The following QSOX1 variants were observed in gnomAD, a reference collection of about 807,000 sequenced individuals.
QSOX1 encodes the protein sulfhydryl oxidase 1.
Under a neutral mutation model 76.1 loss-of-function variants are expected in QSOX1, and 40 were observed. The ratio of observed to expected loss-of-function variants is 0.53; its 90% CI spans 0.41 to 0.68. QSOX1 has a LOEUF of 0.68. Among genes scored for constraint, QSOX1 ranks in the 30% least tolerant of loss-of-function variants. QSOX1 has a pLI of 0.00. For missense variants in QSOX1, 931 were observed against 974.3 expected, an observed-to-expected ratio of 0.96 and a Z score of 0.59; for synonymous variants, 392 against 413.1, an observed-to-expected ratio of 0.95 and a Z score of 0.62.
intron 1 of QSOX1, among the ~76,000 whole-genome samples, chr1:180,162,221 T>C (rs961696749): frequency 6.6e-6 from 1 of 152,220 alleles, no homozygotes; most frequent in African/African-American, 2.4e-5. Flanking sequence ...CATCAATAAA[T>C]ATAACTCAAA....
intron 9 of QSOX1, 27 bp from the exon 10 acceptor site, chr1:180,190,406 G>A (rs1484197043): frequency 4.4e-6 from 7 of 1,602,974 alleles, no homozygotes; most frequent in Non-Finnish European, 6.0e-6. Flanking sequence ...TTCTCCATAT[G>A]TGCACTCACA....
At chr1:180,167,238 C>T (rs1422236289) in intron 2 of QSOX1, among the ~76,000 whole-genome samples, 1 of 152,246 alleles carries the variant, frequency 6.6e-6, no homozygotes, top group African/African-American at 2.4e-5. Context: ...TGAGGGCCCT[C>T]CCCTGGGCTC....
chr1:180,197,581 C>T lies in QSOX1; in HGVS notation c.*544C>T. The T allele has an allele frequency of 1.7e-6, 1 of 585,816 alleles. No individual in the cohort carries two copies. Among genetic ancestry groups the T allele is most frequent in the Non-Finnish European group, 3.0e-6 (1 of 335,802 alleles). 36.3% of individuals were successfully genotyped at this position (585,816 alleles called of 1,614,324 possible). On this transcript the variant is annotated 3_prime_UTR_variant, in exon 12 of 12. Transcript: ENST00000367602. ...GCCAGCCTCCAGCTCCTCAGACCTC[C>T]TGGGTGGGGTTTGGCTTCAGGGTGG... is the stretch of plus-strand genomic sequence containing the variant.
chr1:180,182,570 C>T (rs1663068588), intron 6 of QSOX1, among the ~76,000 whole-genome samples: 1 of 152,140 alleles, frequency 6.6e-6, no homozygotes, highest in South Asian at 2.1e-4. Flanking sequence ...GTGTCGCCTG[C>T]ACCCTCATTA....
At chr1:180,188,788 T>G in intron 8 of QSOX1, among the ~76,000 whole-genome samples, 1 of 152,356 alleles carries the variant, frequency 6.6e-6, no homozygotes, top group East Asian at 1.9e-4. Flanking sequence ...TCGGCCAGCC[T>G]CTTTGTGGTT....
chr1:180,155,281 C>T (rs1662350036), intron 1 of QSOX1, 109 bp downstream of exon 1: 1 of 1,033,484 alleles, frequency 9.7e-7, no homozygotes, highest in Admixed American at 3.8e-5. Context: ...CAGTCACCTC[C>T]GCCCACCTCT....
At chr1:180,187,517 T>C (rs550211236) in intron 8 of QSOX1, among the ~76,000 whole-genome samples, 1 of 152,234 alleles carries the variant, frequency 6.6e-6, no homozygotes, top group African/African-American at 2.4e-5. Context: ...TCCAAAGGAG[T>C]CACCCCAGGA....
Position 180,155,131 on chromosome 1 carries a change from C to T in QSOX1, c.224C>T (p.Ala75Val). The T allele has an allele frequency of 6.6e-7, 1 of 1,521,716 alleles. No individual in the cohort carries two copies. The highest frequency in any genetic ancestry group is 8.8e-7 in the Non-Finnish European group (1 of 1,139,224). 94.3% of individuals were successfully genotyped at this position (1,521,716 alleles called of 1,614,324 possible). A position where few individuals can be genotyped will look rare whatever the true frequency, so the allele number is the denominator to read the frequency against. The change falls in exon 1 of 12, where the codon GCC becomes GTC. Residue 75 changes from alanine to valine, a missense_variant. Ala to Val is a moderately conservative substitution (Grantham distance 64, BLOSUM62 0). Transcript: ENST00000367602. ...FFASWCGHCI[A>V]FAPTWKALAE... is the part of the protein sequence containing the mutation. ...GCCTCCTGGTGCGGCCACTGCATCG[C>T]CTTCGCCCCGACGTGGAAGGCGCTG...
chr1:180,155,300 G>A (rs568572831), intron 1 of QSOX1, 128 bp downstream of exon 1: 2 of 885,298 alleles, frequency 2.3e-6, no homozygotes, highest in South Asian at 3.9e-5. Context: ...CTTCCTCTCC[G>A]CGCATCCCAC....
At chr1:180,182,625 C>T (rs61809062) in intron 6 of QSOX1, among the ~76,000 whole-genome samples, 20,837 of 152,160 alleles carry the variant, frequency 0.14, 1,601 homozygotes, top group Middle Eastern at 0.21. Context: ...CTCTTCTGTT[C>T]GCAGGCAGAC....
Position 180,196,466 on chromosome 1 carries a change from T to C in QSOX1, c.1673T>C (p.Val558Ala), listed in dbSNP as rs1245502869. The C allele has an allele frequency of 1.2e-6, 2 of 1,614,018 alleles. No homozygotes were observed. Among genetic ancestry groups the C allele is most frequent in the South Asian group, 1.1e-5 (1 of 91,080 alleles). The change falls in exon 12 of 12, where the codon GTG becomes GCG. Residue 558 changes from valine (V) to alanine (A), a missense_variant. By Grantham distance (64) the Val-to-Ala change is moderately conservative. Transcript: ENST00000367602. This position sits in a 1 kb window ranked among gnomAD's most constrained non-coding sequence, Gnocchi z 4.1. ...GCTGCCCGGAGGGATGTGCAGAATG[T>C]GGCAGCCGCCCCAGAGCTGGCGATG... Reference protein sequence around the residue: ...GSAARRDVQNVAAAPELAMGA... With the variant: ...GSAARRDVQNAAAAPELAMGA...
chr1:180,155,044 A>C lies in QSOX1; in HGVS notation c.137A>C (p.Gln46Pro). 1 of 1,512,428 alleles carries C rather than the reference A, an allele frequency of 6.6e-7. No homozygotes were observed. The highest frequency in any genetic ancestry group is 1.2e-5 in the South Asian group (1 of 81,624). 93.7% of individuals were successfully genotyped at this position (1,512,428 alleles called of 1,614,324 possible). ...YSPSDPLTLLQADTVRGAVLG... is the reference protein window; with the variant it reads ...YSPSDPLTLLPADTVRGAVLG... ...CCTTCCGACCCGCTGACGCTGCTGCAGGCGGACACGGTGCGCGGCGCGGTG... is the reference window on the plus strand; with the variant it reads ...CCTTCCGACCCGCTGACGCTGCTGCCGGCGGACACGGTGCGCGGCGCGGTG... Residue 46 changes from glutamine to proline, a missense_variant, in exon 1 of 12, where the codon CAG becomes CCG. Coordinates refer to ENST00000367602, the MANE Select transcript of QSOX1 (RefSeq NM_002826.5).
chr1:180,155,401 C>T (rs1014205971), intron 1 of QSOX1, among the ~76,000 whole-genome samples: 11 of 152,196 alleles, frequency 7.2e-5, no homozygotes, highest in African/African-American at 2.7e-4. Context: ...CTTTCCCTCT[C>T]CGCGGCCTGG....
At chr1:180,185,920 G>T in intron 7 of QSOX1, 133 bp from the exon 8 acceptor site, 1 of 1,114,012 alleles carries the variant, frequency 9.0e-7, no homozygotes, top group Non-Finnish European at 1.3e-6. Flanking sequence ...GCAGAAGCCA[G>T]TGGTAACTTA....
At position 180,155,129 on chromosome 1, in the gene QSOX1, C is replaced by T. The variant is rs1480291250; in HGVS notation, c.222C>T (p.Ile74=). 2 of 1,521,812 alleles carry T rather than the reference C, an allele frequency of 1.3e-6. No individual in the cohort carries two copies. The highest frequency in any genetic ancestry group is 2.8e-5 in the African/African-American group (2 of 70,232). 94.3% of individuals were successfully genotyped at this position (1,521,812 alleles called of 1,614,324 possible). Residue 74 remains isoleucine (I), a synonymous_variant, in exon 1 of 12, where the codon ATC becomes ATT. Transcript: ENST00000367602. ...TCGCCTCCTGGTGCGGCCACTGCAT[C>T]GCCTTCGCCCCGACGTGGAAGGCGC... ...EFFASWCGHC[I]AFAPTWKALA...
At chr1:180,174,615 T>A (rs1248538697) in intron 2 of QSOX1, among the ~76,000 whole-genome samples, 1 of 152,170 alleles carries the variant, frequency 6.6e-6, no homozygotes, top group Non-Finnish European at 1.5e-5. Context: ...GCACTTCATG[T>A]TTTCAGATGA....
At position 180,154,965 on chromosome 1, in the gene QSOX1, T is replaced by A; in HGVS notation, c.58T>A (p.Trp20Arg). ...PPPSLLLLLLWLLAVPGANAA... is the reference protein window; with the variant it reads ...PPPSLLLLLLRLLAVPGANAA... ...GCCGTCGCTGCTGCTGCTGCTGCTG[T>A]GGCTGCTCGCGGTTCCCGGCGCTAA... The change falls in exon 1 of 12, where the codon TGG (tryptophan) becomes AGG (arginine). Residue 20 changes from tryptophan to arginine, a missense_variant. Coordinates refer to ENST00000367602, the MANE Select transcript of QSOX1 (RefSeq NM_002826.5). 1 of 1,505,044 alleles carries A rather than the reference T, an allele frequency of 6.6e-7. No homozygotes were observed. The highest frequency in any genetic ancestry group is 1.2e-5 in the South Asian group (1 of 80,886). The allele number at this position is 1,505,044 out of a possible 1,614,324, so 93.2% of individuals were successfully genotyped here. A position where few individuals can be genotyped will look rare whatever the true frequency, so the allele number is the denominator to read the frequency against.
intron 2 of QSOX1, 146 bp from the exon 3 acceptor site, chr1:180,175,175 A>G (rs368191441): frequency 1.7e-5 from 13 of 747,446 alleles, no homozygotes; most frequent in Middle Eastern, 4.8e-4. Context: ...AAAAAGAAAG[A>G]AAGAAAAAAG....
Position 180,196,132 on chromosome 1 carries a change from C to T in QSOX1, c.1469-130C>T. On this transcript the variant is annotated intron_variant, in intron 11 of 11. Coordinates refer to ENST00000367602, the MANE Select transcript of QSOX1 (RefSeq NM_002826.5). This position sits in a 1 kb window ranked among gnomAD's most constrained non-coding sequence, Gnocchi z 4.1. ...TTGTAATCTGTATTTTCTAATTACCCATCCTCTGGAAGGGCAGTGGCGAGC... is the reference window on the plus strand; with the variant it reads ...TTGTAATCTGTATTTTCTAATTACCTATCCTCTGGAAGGGCAGTGGCGAGC... 8.7e-7 allele frequency: 1 copy of T among 1,151,662 alleles called. No individual in the cohort carries two copies. Among genetic ancestry groups the T allele is most frequent in the Non-Finnish European group, 1.2e-6 (1 of 822,320 alleles). The allele number at this position is 1,151,662 out of a possible 1,614,324, so 71.3% of individuals were successfully genotyped here.
Sources: gnomAD v4.1 joint callset for allele counts (sites outside exome capture counted in the v4.1 genomes callset) on GRCh38, gnomAD v4.1.1 for gene constraint, Gnocchi (gnomAD v3.1) non-coding constraint, MANE v1.5 for transcripts, NCBI Gene and HGNC (gene_info 2026-07-23, HGNC 2026-07-21) for gene names.